The following MOB3B variants were observed in gnomAD, a reference collection of about 807,000 sequenced individuals.
The protein encoded by MOB3B is MOB kinase activator-like 2B.
Under a neutral mutation model 18.7 loss-of-function variants are expected in MOB3B, and 7 were observed. That is an observed-to-expected ratio of 0.37 (90% CI 0.21 to 0.70). The LOEUF (loss-of-function observed/expected upper bound fraction) is 0.70, where lower values mean the gene tolerates loss of function less well. MOB3B is among the 30% of genes least tolerant of loss of function. The pLI is 0.52. For missense variants in MOB3B, 253 were observed against 281.3 expected (o/e 0.90, Z 0.72); for synonymous variants, 111 against 99.9 (o/e 1.11, Z -0.66).
intron 1 of MOB3B, among the ~76,000 whole-genome samples, chr9:27,490,764 C>G (rs536435949): frequency 6.6e-6 from 1 of 152,246 alleles, no homozygotes; most frequent in African/African-American, 2.4e-5. Context: ...TACACTGGAC[C>G]TTGATGCTTT....
At chr9:27,430,830 A>C (rs1219151761) in intron 2 of MOB3B, among the ~76,000 whole-genome samples, 2 of 151,746 alleles carry the variant, frequency 1.3e-5, no homozygotes, top group East Asian at 3.9e-4. Flanking sequence ...CCTGGTTCTT[A>C]CCACCGTGAC....
chr9:27,389,623 A>G (rs1362650838), intron 2 of MOB3B, among the ~76,000 whole-genome samples: 1 of 152,040 alleles, frequency 6.6e-6, no homozygotes. Context: ...TTTATTTTCT[A>G]GCTTCCTTAT....
At chr9:27,348,104 T>A (rs923853575) in intron 3 of MOB3B, among the ~76,000 whole-genome samples, 1 of 152,058 alleles carries the variant, frequency 6.6e-6, no homozygotes, top group Non-Finnish European at 1.5e-5. Context: ...TTGGCTAGAC[T>A]GGCTTCTTTC....
At chr9:27,387,625 T>C (rs76401664) in intron 2 of MOB3B, among the ~76,000 whole-genome samples, 2,638 of 152,304 alleles carry the variant, frequency 0.017, 64 homozygotes, top group East Asian at 0.12. Flanking sequence ...ATTCTCCTGG[T>C]ACATTCTTCC....
At chr9:27,350,917 T>G (rs1231621793) in intron 3 of MOB3B, among the ~76,000 whole-genome samples, 2 of 151,530 alleles carry the variant, frequency 1.3e-5, no homozygotes, top group African/African-American at 4.9e-5. Context: ...TTTTTTTTTT[T>G]TTAAGACGAA....
At chr9:27,386,942 C>A (rs78972025) in intron 2 of MOB3B, among the ~76,000 whole-genome samples, 7,182 of 152,236 alleles carry the variant, frequency 0.047, 439 homozygotes, top group African/African-American at 0.14. Context: ...TTCACAGCTG[C>A]CTGCAGTTGC....
intron 2 of MOB3B, among the ~76,000 whole-genome samples, chr9:27,367,318 C>T (rs528675674): frequency 4.3e-4 from 66 of 152,332 alleles, no homozygotes; most frequent in African/African-American, 1.5e-3. Context: ...TGTAGGGTTT[C>T]TACAGCTCCT....
At chr9:27,455,053 G>A in intron 2 of MOB3B, 80 bp downstream of exon 2, 1 of 1,437,720 alleles carries the variant, frequency 7.0e-7, no homozygotes, top group South Asian at 1.2e-5. Context: ...GTGCTACCTA[G>A]CATTCAAAGG....
intron 2 of MOB3B, among the ~76,000 whole-genome samples, chr9:27,404,270 TC>T: frequency 6.6e-6 from 1 of 152,204 alleles, no homozygotes; most frequent in Non-Finnish European, 1.5e-5. Context: ...AGGATTTCAT[TC>T]TTTTATATGG....
intron 1 of MOB3B, among the ~76,000 whole-genome samples, chr9:27,467,366 T>C (rs1370821425): frequency 6.6e-6 from 1 of 152,186 alleles, no homozygotes; most frequent in African/African-American, 2.4e-5. Flanking sequence ...TGAGATAATA[T>C]AAGTAAAGAT....
At chr9:27,349,254 G>A (rs11792681) in intron 3 of MOB3B, among the ~76,000 whole-genome samples, 6,280 of 152,308 alleles carry the variant, frequency 0.041, 184 homozygotes, top group Non-Finnish European at 0.068. Context: ...TTCATAGGAG[G>A]AAGTGCTCCT....
At chr9:27,355,271 G>T (rs368013004) in intron 3 of MOB3B, among the ~76,000 whole-genome samples, 34 of 152,276 alleles carry the variant, frequency 2.2e-4, no homozygotes, top group Non-Finnish European at 4.0e-4. Context: ...GAGGTGGTGG[G>T]GGGGTCTCAG....
chr9:27,340,001 CA>C (rs1422132213), intron 3 of MOB3B, among the ~76,000 whole-genome samples: 2 of 152,206 alleles, frequency 1.3e-5, no homozygotes, highest in African/African-American at 4.8e-5. Context: ...AGGATCCAAC[CA>C]GCACACAGGA....
intron 1 of MOB3B, among the ~76,000 whole-genome samples, chr9:27,483,039 T>C (rs982008791): frequency 4.0e-5 from 6 of 150,000 alleles, no homozygotes. Flanking sequence ...ATTTGAGGGC[T>C]TAAAAGAGAT....
intron 2 of MOB3B, among the ~76,000 whole-genome samples, chr9:27,416,833 G>C (rs1323460205): frequency 6.6e-6 from 1 of 152,172 alleles, no homozygotes; most frequent in East Asian, 1.9e-4. Flanking sequence ...ACCACGGCTA[G>C]CTCATCTTTC....
chr9:27,411,837 C>T (rs1250573365), intron 2 of MOB3B, among the ~76,000 whole-genome samples: 3 of 152,072 alleles, frequency 2.0e-5, no homozygotes, highest in Non-Finnish European at 4.4e-5. Context: ...TGGACTTTAG[C>T]TAATAATAAC....
chr9:27,520,076 G>C (rs144131787), intron 1 of MOB3B, among the ~76,000 whole-genome samples: 1 of 152,232 alleles, frequency 6.6e-6, no homozygotes, highest in Non-Finnish European at 1.5e-5. Flanking sequence ...GAGTAATATG[G>C]ATGATCAATG....
chr9:27,335,363 G>A (rs117504640), intron 3 of MOB3B, among the ~76,000 whole-genome samples: 85 of 152,236 alleles, frequency 5.6e-4, no homozygotes, highest in Non-Finnish European at 3.7e-4. Flanking sequence ...TCCCTAATGC[G>A]GCAAAACTAA....
At chr9:27,340,107 A>C (rs971647658) in intron 3 of MOB3B, among the ~76,000 whole-genome samples, 1 of 152,236 alleles carries the variant, frequency 6.6e-6, no homozygotes. Flanking sequence ...GACTTCCCTA[A>C]ACCACACAGA....
Sources: allele counts gnomAD v4.1 joint callset (sites outside exome capture counted in the v4.1 genomes callset), GRCh38; gene constraint gnomAD v4.1.1; transcripts MANE v1.5; gene names NCBI Gene and HGNC (gene_info 2026-07-23, HGNC 2026-07-21).